Variants in TMEM260 observed in about 807,000 individuals in gnomAD.
The protein encoded by TMEM260 is transmembrane protein 260, also known as protein O-mannosyl-transferase TMEM260.
Under a neutral mutation model 88.9 loss-of-function variants are expected in TMEM260, and 82 were observed. That is an observed-to-expected ratio of 0.92 (90% CI 0.77 to 1.11). The LOEUF is 1.11. TMEM260 is among the 50% of genes least tolerant of loss of function. TMEM260 has a pLI of 0.00. For synonymous variants in TMEM260, 314 were observed against 309.3 expected (o/e 1.02, Z -0.16); for missense variants, 902 against 853.4 (o/e 1.06, Z -0.71).
chr14:56,640,074 GCA>G (rs1226843086), intron 15 of TMEM260, among the ~76,000 whole-genome samples: 1 of 152,236 alleles, frequency 6.6e-6, no homozygotes, highest in Non-Finnish European at 1.5e-5. Flanking sequence ...TTGGGGCAGG[GCA>G]CAGACAAACA....
chr14:56,644,075 T>G (rs138269552), intron 15 of TMEM260, among the ~76,000 whole-genome samples: 6,090 of 152,156 alleles, frequency 0.04, 173 homozygotes, highest in East Asian at 0.1. Context: ...AAAATGGCCA[T>G]ACTGCCCAAG....
intron 3 of TMEM260, among the ~76,000 whole-genome samples, chr14:56,595,122 C>A (rs1342646633): frequency 6.6e-6 from 1 of 152,140 alleles, no homozygotes; most frequent in Non-Finnish European, 1.5e-5. Flanking sequence ...AAATTGCTTT[C>A]TTTTAAACTC....
At chr14:56,607,123 G>A (rs1373881781) in intron 5 of TMEM260, among the ~76,000 whole-genome samples, 2 of 152,178 alleles carry the variant, frequency 1.3e-5, no homozygotes, top group South Asian at 2.1e-4. Context: ...ATGGAGATAC[G>A]AAATATAACT....
At position 56,628,811 on chromosome 14, in the gene TMEM260, A is replaced by G. The variant is rs188089592; in HGVS notation, c.1547+3281A>G. 1.8e-4 allele frequency among the ~76,000 whole-genome samples: 27 copies of G among 151,966 alleles called. 1 individual carries two copies. The highest frequency in any genetic ancestry group is 6.3e-4 in the African/African-American group (26 of 41,466). ...CTCTATTTTTAATTGCTATGTCTCC[A>G]CCATTTGCATTTAATATAAATATTG... On this transcript the variant is annotated intron_variant, in intron 12 of 15. Coordinates refer to ENST00000261556, the MANE Select transcript of TMEM260 (RefSeq NM_017799.4).
chr14:56,642,472 C>G lies in TMEM260; in HGVS notation c.1870-4771C>G, dbSNP rs534674937. 3.3e-5 allele frequency among the ~76,000 whole-genome samples: 5 copies of G among 152,150 alleles called. 1 individual carries two copies. In the South Asian group the frequency reaches 1.0e-3, roughly 32 times the overall value. ...TCTTTGAAACCAACGAGAACAAAGA[C>G]ACAACATACCAGAATCTCTGGGACA... On this transcript the variant is annotated intron_variant, in intron 15 of 15. Transcript: ENST00000261556.
At chr14:56,643,292 A>G (rs1889731966) in intron 15 of TMEM260, among the ~76,000 whole-genome samples, 2 of 152,234 alleles carry the variant, frequency 1.3e-5, no homozygotes, top group South Asian at 4.1e-4. Context: ...CCAGCAACAC[A>G]TCACAAAGCT....
chr14:56,659,657 C>A, the TMEM260 span, among the ~76,000 whole-genome samples: 1 of 152,234 alleles, frequency 6.6e-6, no homozygotes, highest in East Asian at 1.9e-4. Context: ...AGGATCTAGT[C>A]GGGGATTATT....
At position 56,617,200 on chromosome 14, in the gene TMEM260, C is replaced by G; in HGVS notation, c.959C>G (p.Ser320Ter). The G allele has an allele frequency of 1.3e-6, 2 of 1,594,998 alleles. No individual in the cohort carries two copies. The highest frequency in any genetic ancestry group is 1.7e-6 in the Non-Finnish European group (2 of 1,171,834). Residue 320 changes from serine to a stop codon, truncating the protein, a stop_gained, in exon 9 of 16, where the codon TCA becomes TGA. Transcript: ENST00000261556. LOFTEE classifies it high-confidence loss of function. ...CLATKDRQNP[S>*]LVWLFTGMFC... ...TTTTGTAGGGACAGACAGAATCCAT[C>G]ATTAGTATGGCTTTTTACTGGAATG... is the stretch of plus-strand genomic sequence containing the variant.
rs760155945 is a variant in TMEM260, at chr14:56,625,403, T to C, written c.1420T>C (p.Leu474=). 6.2e-7 allele frequency: 1 copy of C among 1,613,816 alleles called. No homozygotes were observed. The highest frequency in any genetic ancestry group is 1.7e-5 in the Admixed American group (1 of 59,974). Residue 474 remains leucine, a synonymous_variant, in exon 12 of 16, where the codon TTA becomes CTA. Coordinates refer to ENST00000261556, the MANE Select transcript of TMEM260 (RefSeq NM_017799.4). ...DQEMMTYEWY[L]PKMAKHLPGV... is the part of the protein sequence containing the mutation. ...GCAGATGATGACTTACGAGTGGTAT[T>C]TACCCAAGATGGCAAAGCACTTGCC...
At chr14:56,606,773 T>C (rs1424375431) in intron 5 of TMEM260, among the ~76,000 whole-genome samples, 1 of 152,146 alleles carries the variant, frequency 6.6e-6, no homozygotes, top group Admixed American at 6.5e-5. Context: ...TGTGCGCCTG[T>C]AGTCCCAGCT....
downstream of TMEM260, among the ~76,000 whole-genome samples, chr14:56,653,743 A>AAAAAAAAAAACAAACAAAC (rs1555343579): frequency 6.0e-5 from 8 of 134,170 alleles, no homozygotes; most frequent in Non-Finnish European, 9.1e-5. Flanking sequence ...CTCCAAAACA[A>AAAAAAAAAAACAAACAAAC]AAAAAAAAAA....
rs534687048 is a variant in TMEM260 at position 56,615,968 on chromosome 14, C to T, written c.882C>T (p.Thr294=). The T allele has an allele frequency of 5.0e-6, 8 of 1,612,992 alleles. No individual in the cohort carries two copies. Among genetic ancestry groups the T allele is most frequent in the African/African-American group, 4.0e-5 (3 of 74,974 alleles). The change falls in exon 8 of 16, where the codon ACC becomes ACT. Residue 294 remains threonine, a synonymous_variant. Transcript: ENST00000261556. ...ILLSQVTNMR[T]ELSFNIQALA... is the part of the protein sequence containing the mutation. ...GTTCTCAAGTAACAAATATGAGGACCGAACTCTCATTCAACATCCAAGCCC... is the reference window on the plus strand; with the variant it reads ...GTTCTCAAGTAACAAATATGAGGACTGAACTCTCATTCAACATCCAAGCCC...
downstream of TMEM260, among the ~76,000 whole-genome samples, chr14:56,652,958 A>G (rs568359542): frequency 6.6e-6 from 1 of 152,278 alleles, no homozygotes; most frequent in South Asian, 2.1e-4. Context: ...AAGTCAATTG[A>G]GTGAGAATTG....
At chr14:56,646,841 T>C (rs933251374) in intron 15 of TMEM260, among the ~76,000 whole-genome samples, 4 of 146,282 alleles carry the variant, frequency 2.7e-5, no homozygotes, top group African/African-American at 8.1e-5. Flanking sequence ...GGCAGTCTTC[T>C]AAAGAAAGCT....
intron 8 of TMEM260, 141 bp downstream of exon 8, chr14:56,616,168 C>T (rs1239383365): frequency 6.7e-5 from 40 of 595,300 alleles, no homozygotes; most frequent in South Asian, 6.5e-4. Context: ...TTAAGATAAA[C>T]GTGTATTGCT....
At position 56,605,444 on chromosome 14, in the gene TMEM260, C is replaced by T. The variant is rs563902406; in HGVS notation, c.523-126C>T. 5.0e-3 allele frequency: 2,154 copies of T among 431,224 alleles called. 14 individuals carry two copies. Among genetic ancestry groups the T allele is most frequent in the Non-Finnish European group, 7.2e-3 (1,747 of 243,434 alleles). The allele number at this position is 431,224 out of a possible 1,614,324, so 26.7% of individuals were successfully genotyped here. ...TGATTATTAAAATAACTGCTTGCAT[C>T]TTAGAGGTTGATTTTAACCTAACAT... On this transcript the variant is annotated intron_variant, in intron 4 of 15. Transcript: ENST00000261556.
In TMEM260 at chr14:56,605,595, G is replaced by C; in HGVS notation, c.548G>C (p.Cys183Ser). The change falls in exon 5 of 16, where the codon TGT becomes TCT. Residue 183 changes from cysteine (C) to serine (S), a missense_variant. Cys to Ser is a moderately radical substitution (Grantham distance 112). Transcript: ENST00000261556. Reference sequence around the variant, plus strand: ...GTAGCTAAAATTGGTGCTTTCTGCTGTGGCCTTAGTTTATGTAACCAGCAC... The same window carrying C: ...GTAGCTAAAATTGGTGCTTTCTGCTCTGGCCTTAGTTTATGTAACCAGCAC... ...SKVAKIGAFC[C>S]GLSLCNQHTI... The C allele has an allele frequency of 6.4e-7, 1 of 1,556,064 alleles. No homozygotes were observed. Among genetic ancestry groups the C allele is most frequent in the Non-Finnish European group, 8.7e-7 (1 of 1,152,932 alleles).
At chr14:56,641,090 T>C (rs1889558266) in intron 15 of TMEM260, among the ~76,000 whole-genome samples, 1 of 151,344 alleles carries the variant, frequency 6.6e-6, no homozygotes, top group African/African-American at 2.4e-5. Flanking sequence ...GAAAACACTC[T>C]GCAGGATACT....
intron 13 of TMEM260, among the ~76,000 whole-genome samples, chr14:56,633,874 A>G (rs142031937): frequency 1.1e-3 from 163 of 152,348 alleles, no homozygotes; most frequent in Non-Finnish European, 1.8e-3. Flanking sequence ...TTTAAAGATT[A>G]TATAACCTAT....
Sources: allele counts gnomAD v4.1 joint callset (sites outside exome capture counted in the v4.1 genomes callset), GRCh38; gene constraint gnomAD v4.1.1; transcripts MANE v1.5; gene names NCBI Gene and HGNC (gene_info 2026-07-23, HGNC 2026-07-21).